The following SNAPC5 variants were observed in gnomAD, a reference collection of about 807,000 sequenced individuals.
SNAPC5 encodes snRNA-activating protein complex subunit 5.
A neutral mutation model predicts 9.1 loss-of-function variants in SNAPC5; 12 were observed. That is an observed-to-expected ratio of 1.32 (90% confidence interval 0.85 to 2.15). SNAPC5 has a LOEUF of 2.15. SNAPC5 is among the 30% of genes most tolerant of loss of function. The probability of loss-of-function intolerance (pLI) is 0.00; values close to 1 mark genes in which losing one functional copy is unlikely to be tolerated. For missense variants in SNAPC5, 132 were observed against 114.4 expected, an observed-to-expected ratio of 1.15 and a Z score of -0.70; for synonymous variants, 52 against 47.3, an observed-to-expected ratio of 1.10 and a Z score of -0.41.
chr15:66,490,685 C>T (rs1893226912), downstream of SNAPC5: 1 of 1,054,668 alleles, frequency 9.5e-7, no homozygotes, highest in Non-Finnish European at 1.5e-6. Context: ...GGCCTCCTTC[C>T]CATGCCTGTC....
At position 66,494,348 on chromosome 15, in the gene SNAPC5, C is replaced by T; in HGVS notation, c.*88G>A. 1 of 900,606 alleles carries T rather than the reference C, an allele frequency of 1.1e-6. No individual in the cohort carries two copies. The highest frequency in any genetic ancestry group is 1.8e-6 in the Non-Finnish European group (1 of 560,204). 55.8% of individuals were successfully genotyped at this position (900,606 alleles called of 1,614,324 possible). On this transcript the variant is annotated 3_prime_UTR_variant, in exon 3 of 3. Coordinates refer to ENST00000316634, the MANE Select transcript of SNAPC5 (RefSeq NM_001329615.2). ...TTTCCTTTCAAGCAGATCACAGGGC[C>T]CAGGGCAAGATGATTTCCTTGAGGA...
chr15:66,493,867 T>G lies in SNAPC5; in HGVS notation c.*569A>C, dbSNP rs912405735. ...TAAAACATTTTACCAGTGAGTGATG[T>G]CTCAAGTGAGAGGTGGTAACAGATA... On this transcript the variant is annotated 3_prime_UTR_variant, in exon 3 of 3. Coordinates refer to ENST00000316634, the MANE Select transcript of SNAPC5 (RefSeq NM_001329615.2). The G allele has an allele frequency of 2.8e-4, 42 of 152,234 alleles. No homozygotes were observed. The highest frequency in any genetic ancestry group is 8.2e-4 in the African/African-American group (34 of 41,420). 9.4% of individuals were successfully genotyped at this position (152,234 alleles called of 1,614,324 possible). A position where few individuals can be genotyped will look rare whatever the true frequency, so the allele number is the denominator to read the frequency against.
At chr15:66,490,102 C>T, downstream of SNAPC5, 1 of 529,960 alleles carries the variant, frequency 1.9e-6, no homozygotes, top group Non-Finnish European at 3.4e-6. Flanking sequence ...GAGTCACTCT[C>T]CGCCTGCTGT....
At chr15:66,496,402 T>C (rs1893435373) in intron 1 of SNAPC5, among the ~76,000 whole-genome samples, 2 of 151,654 alleles carry the variant, frequency 1.3e-5, no homozygotes, top group African/African-American at 4.8e-5. Context: ...GAGGCGGAGG[T>C]TGCAGTGAGC....
downstream of SNAPC5, among the ~76,000 whole-genome samples, chr15:66,493,096 T>A (rs1893310307): frequency 7.0e-6 from 1 of 142,270 alleles, no homozygotes; most frequent in African/African-American, 2.5e-5. Flanking sequence ...TAAAAGCAGC[T>A]CAAAATAACT....
At chr15:66,491,424 C>T (rs892686251), downstream of SNAPC5, 2 of 227,408 alleles carry the variant, frequency 8.8e-6, no homozygotes, top group East Asian at 6.4e-5. Context: ...TTGTAAACAA[C>T]GTGTATAGTG....
At position 66,497,642 on chromosome 15, in the gene SNAPC5, C is replaced by T. The variant is rs367571177; in HGVS notation, c.90G>A (p.Lys30=). ...GGGCAGGAGAGGGCCGCGGGGTCAC[C>T]TTGAGGCGGTTCAGCTGGTCGTGCA... is the stretch of plus-strand genomic sequence containing the variant. ...AALHDQLNRL[K]VEELALQSMI... Residue 30 remains lysine (K), a splice_region_variant and synonymous_variant, in exon 1 of 3, where the codon AAG becomes AAA. Transcript: ENST00000316634. 238 of 1,613,818 alleles carry T rather than the reference C, an allele frequency of 1.5e-4. No individual in the cohort carries two copies. The highest frequency in any genetic ancestry group is 1.8e-4 in the Non-Finnish European group (211 of 1,179,844).
In SNAPC5 at chr15:66,494,293, G is replaced by A. The variant is rs938840975; in HGVS notation, c.*143C>T. ...TTGAGTTACCGATGGAGCCATTTTT[G>A]CAACTACACATCCTCCTTATAGTTC... On this transcript the variant is annotated 3_prime_UTR_variant, in exon 3 of 3. Coordinates refer to ENST00000316634, the MANE Select transcript of SNAPC5 (RefSeq NM_001329615.2). The A allele has an allele frequency of 6.2e-5, 40 of 649,642 alleles. No homozygotes were observed. The African/African-American group carries it at 7.1e-4, about 11-fold the overall frequency. The allele number at this position is 649,642 out of a possible 1,614,324, so 40.2% of individuals were successfully genotyped here. A position where few individuals can be genotyped will look rare whatever the true frequency, so the allele number is the denominator to read the frequency against.
chr15:66,492,037 C>CT (rs1412777756), downstream of SNAPC5: 1 of 456,658 alleles, frequency 2.2e-6, no homozygotes, highest in Middle Eastern at 3.3e-4. Context: ...ATAGGACAGT[C>CT]TGTCTCCTTT....
chr15:66,496,609 G>T (rs928930922), intron 1 of SNAPC5, among the ~76,000 whole-genome samples: 1 of 149,130 alleles, frequency 6.7e-6, no homozygotes, highest in African/African-American at 2.5e-5. Context: ...CTACAGCTTT[G>T]ACCACCTGGA....
At position 66,495,342 on chromosome 15, in the gene SNAPC5, T is replaced by C; in HGVS notation, c.168A>G (p.Glu56=). The change falls in exon 2 of 3, where the codon GAA becomes GAG. Residue 56 remains glutamate (E), a synonymous_variant. Transcript: ENST00000316634. ...DEMLSSHTVP[E]QSHDMLVHVD... is the part of the protein sequence containing the mutation. The stretch of plus-strand genomic sequence containing the variant: ...TGATTAAGCTTACATCATGTGACTG[T>C]TCAGGTACAGTGTGAGAAGACAGCA... The C allele has an allele frequency of 6.3e-7, 1 of 1,589,178 alleles. No individual in the cohort carries two copies. Among genetic ancestry groups the C allele is most frequent in the Non-Finnish European group, 8.6e-7 (1 of 1,157,122 alleles).
downstream of SNAPC5, chr15:66,490,647 T>C (rs1893225395): frequency 6.4e-7 from 1 of 1,556,474 alleles, no homozygotes; most frequent in African/African-American, 1.4e-5. Context: ...GCGAGTCCCC[T>C]GCCCGGTGGT....
chr15:66,491,472 C>G (rs576168372), downstream of SNAPC5: 243 of 215,664 alleles, frequency 1.1e-3, no homozygotes, highest in African/African-American at 5.2e-3. Flanking sequence ...CCATTTTAAC[C>G]TAGATGTTTA....
At chr15:66,495,241 T>A (rs1893385675) in intron 2 of SNAPC5, 89 bp downstream of exon 2, 1 of 853,370 alleles carries the variant, frequency 1.2e-6, no homozygotes, top group Admixed American at 1.7e-5. Flanking sequence ...CTAGGTAATG[T>A]GATTTACAAC....
At chr15:66,490,041 G>A (rs962814600), downstream of SNAPC5, 11 of 570,352 alleles carry the variant, frequency 1.9e-5, no homozygotes, top group African/African-American at 2.1e-4. Flanking sequence ...TCATGGGGAT[G>A]CGGCCTTTCC....
At chr15:66,495,467 T>A in intron 1 of SNAPC5, 48 bp from the exon 2 acceptor site, 1 of 1,029,068 alleles carries the variant, frequency 9.7e-7, no homozygotes, top group Non-Finnish European at 1.5e-6. Flanking sequence ...TTCACTGGAC[T>A]ACTGATGTGG....
chr15:66,489,814 T>C, downstream of SNAPC5: 1 of 1,464,812 alleles, frequency 6.8e-7, no homozygotes, highest in South Asian at 1.1e-5. Context: ...TCATTTGTTC[T>C]TCTCTGTCAG....
chr15:66,491,405 C>T (rs1893253542), downstream of SNAPC5: 1 of 230,670 alleles, frequency 4.3e-6, no homozygotes, highest in South Asian at 1.8e-4. Flanking sequence ...TATCCAAGTA[C>T]CAATGCTGTT....
downstream of SNAPC5, chr15:66,491,379 G>T (rs1893252002): frequency 4.3e-6 from 1 of 232,222 alleles, no homozygotes; most frequent in Non-Finnish European, 8.5e-6. Flanking sequence ...TAAAATGTCG[G>T]ATTTATCTTT....
Sources: gnomAD v4.1 joint callset for allele counts (sites outside exome capture counted in the v4.1 genomes callset) on GRCh38, gnomAD v4.1.1 for gene constraint, MANE v1.5 for transcripts, NCBI Gene and HGNC (gene_info 2026-07-23, HGNC 2026-07-21) for gene names.